HTR1E: variants seen among roughly 807,000 people sequenced by gnomAD.
The protein encoded by HTR1E is 5-HT-1E.
In HTR1E, 3 loss-of-function variants were observed where a neutral mutation model predicts 3.4. The ratio of observed to expected loss-of-function variants is 0.89; its 90% CI spans 0.41 to 2.31. The LOEUF (loss-of-function observed/expected upper bound fraction) is 2.31. Among genes scored for constraint, HTR1E ranks in the 30% most tolerant of loss-of-function variants. HTR1E has a pLI of 0.05. For missense variants in HTR1E, 392 were observed against 467.0 expected, an observed-to-expected ratio of 0.84 and a Z score of 1.48; for synonymous variants, 170 against 182.8, an observed-to-expected ratio of 0.93 and a Z score of 0.56.
At chr6:86,972,214 T>G (rs1463326675) in intron 1 of HTR1E, among the ~76,000 whole-genome samples, 1 of 152,210 alleles carries the variant, frequency 6.6e-6, no homozygotes, top group Non-Finnish European at 1.5e-5. Context: ...TGAAACATTA[T>G]TCATTCTATT....
chr6:86,968,568 C>T (rs1362899407), intron 1 of HTR1E, among the ~76,000 whole-genome samples: 2 of 152,182 alleles, frequency 1.3e-5, no homozygotes, highest in African/African-American at 4.8e-5. Flanking sequence ...TATAAGATTG[C>T]TTAAGCATTA....
Position 87,015,973 on chromosome 6 carries a change from C to T in HTR1E, c.639C>T (p.Tyr213=). Residue 213 remains tyrosine (Y), a synonymous_variant, in exon 2 of 2, where the codon TAC becomes TAT. Coordinates refer to ENST00000305344, the MANE Select transcript of HTR1E (RefSeq NM_000865.3). ...TTTACCACGCGGCCAAGAGCCTTTA[C>T]CAGAAAAGGGGATCAAGTCGGCACT... The part of the protein sequence containing the change: ...YRIYHAAKSL[Y]QKRGSSRHLS... The T allele has an allele frequency of 6.2e-7, 1 of 1,614,204 alleles. No homozygotes were observed. Among genetic ancestry groups the T allele is most frequent in the Non-Finnish European group, 8.5e-7 (1 of 1,180,046 alleles).
At chr6:87,013,351 T>C (rs1470020775) in intron 1 of HTR1E, among the ~76,000 whole-genome samples, 2 of 152,232 alleles carry the variant, frequency 1.3e-5, no homozygotes, top group African/African-American at 4.8e-5. Context: ...CTATTTGTAA[T>C]TTTTATGAAA....
chr6:86,987,141 C>G (rs1050084697), intron 1 of HTR1E, among the ~76,000 whole-genome samples: 1 of 152,078 alleles, frequency 6.6e-6, no homozygotes, highest in Non-Finnish European at 1.5e-5. Context: ...TGGCAAATAC[C>G]AATTATCAAT....
At chr6:87,001,264 A>G (rs1300896669) in intron 1 of HTR1E, among the ~76,000 whole-genome samples, 3 of 152,228 alleles carry the variant, frequency 2.0e-5, no homozygotes, top group Admixed American at 1.3e-4. Flanking sequence ...AAGACCAGAA[A>G]GCAACCCAAA....
chr6:86,964,809 A>G (rs1239061694), intron 1 of HTR1E, among the ~76,000 whole-genome samples: 1 of 152,246 alleles, frequency 6.6e-6, no homozygotes, highest in Middle Eastern at 3.2e-3. Context: ...ATGCCTTGCA[A>G]TAATGAATTA....
At chr6:86,976,043 T>A (rs1225973751) in intron 1 of HTR1E, among the ~76,000 whole-genome samples, 1 of 152,036 alleles carries the variant, frequency 6.6e-6, no homozygotes, top group South Asian at 2.1e-4. Context: ...CTAAAAGTAC[T>A]AATATTTTTC....
At chr6:87,007,898 C>T (rs1768141108) in intron 1 of HTR1E, among the ~76,000 whole-genome samples, 1 of 152,064 alleles carries the variant, frequency 6.6e-6, no homozygotes, top group South Asian at 2.1e-4. Flanking sequence ...CATGCCACTA[C>T]ACTCCAGCCT....
chr6:87,015,577 C>G lies in HTR1E; in HGVS notation c.243C>G (p.Ile81Met), dbSNP rs200144947. Reference protein sequence around the residue: ...VAVLVMPLSIIYIVMDRWKLG... With the variant: ...VAVLVMPLSIMYIVMDRWKLG... ...TGCTCGTCATGCCCCTGAGCATCAT[C>G]TACATTGTCATGGATCGCTGGAAGC... Residue 81 changes from isoleucine to methionine, a missense_variant, in exon 2 of 2, where the codon ATC becomes ATG. Around this residue, in one of 3 missense-constraint regions of HTR1E, gnomAD observed 189 missense variants for 258.0 expected, o/e 0.73. Transcript: ENST00000305344. 1.7e-5 allele frequency: 27 copies of G among 1,613,724 alleles called. No individual in the cohort carries two copies. In the Admixed American group the frequency reaches 3.0e-4, roughly 18 times the overall value.
chr6:86,974,193 G>T (rs1042850308), intron 1 of HTR1E, among the ~76,000 whole-genome samples: 5 of 152,154 alleles, frequency 3.3e-5, no homozygotes, highest in African/African-American at 1.2e-4. Flanking sequence ...CCACTTGAGA[G>T]TAAATTGCCA....
At chr6:86,947,771 C>CA (rs887269208) in intron 1 of HTR1E, among the ~76,000 whole-genome samples, 3 of 151,976 alleles carry the variant, frequency 2.0e-5, no homozygotes, top group Non-Finnish European at 2.9e-5. Flanking sequence ...TGACTATATC[C>CA]AAAGTGGAAT....
intron 1 of HTR1E, among the ~76,000 whole-genome samples, chr6:86,951,003 A>C (rs1767232052): frequency 6.6e-6 from 1 of 152,196 alleles, no homozygotes; most frequent in Admixed American, 6.6e-5. Context: ...TCCAGTGCTC[A>C]GATTTTTCAG....
At chr6:86,979,500 G>A (rs983167784) in intron 1 of HTR1E, among the ~76,000 whole-genome samples, 1 of 152,212 alleles carries the variant, frequency 6.6e-6, no homozygotes, top group African/African-American at 2.4e-5. Flanking sequence ...GCCTGGTTGA[G>A]AGGACAGATA....
chr6:86,975,508 C>T (rs1767617911), intron 1 of HTR1E, among the ~76,000 whole-genome samples: 1 of 151,962 alleles, frequency 6.6e-6, no homozygotes. Flanking sequence ...CTGTGCATTC[C>T]CTGAAAATTC....
intron 1 of HTR1E, among the ~76,000 whole-genome samples, chr6:86,938,191 T>A (rs1768497184): frequency 6.6e-6 from 1 of 151,938 alleles, no homozygotes; most frequent in Non-Finnish European, 1.5e-5. Context: ...TGAGTAGAAA[T>A]CACAGGGAGG....
rs55871033 is a variant in HTR1E at position 86,958,937 on chromosome 6, CGTGTGTGTGTGTGTGT to C, written c.-186+21145_-186+21160del. Among the ~76,000 whole-genome samples the C allele has an allele frequency of 3.5e-3, 485 of 140,078 alleles. 9 individuals carry two copies. The highest frequency in any genetic ancestry group is 0.012 in the African/African-American group (451 of 37,878). 91.9% of individuals were successfully genotyped at this position (140,078 alleles called of 152,430 possible). The stretch of plus-strand genomic sequence containing the variant: ...CTCCAGAGAAACAGAACCAATTGCA[CGTGTGTGTGTGTGTGT>C]GTGTGTGTGTGTGTGTGTGTGTGTG... On this transcript the variant is annotated intron_variant, in intron 1 of 1. Coordinates refer to ENST00000305344, the MANE Select transcript of HTR1E (RefSeq NM_000865.3).
chr6:86,956,562 A>G (rs1257126286), intron 1 of HTR1E, among the ~76,000 whole-genome samples: 1 of 152,070 alleles, frequency 6.6e-6, no homozygotes, highest in Non-Finnish European at 1.5e-5. Flanking sequence ...ACCAATGTAC[A>G]CCTTATATGT....
In HTR1E at chr6:86,985,761, AG is replaced by A. The variant is rs1767776307; in HGVS notation, c.-185-29388del. The stretch of plus-strand genomic sequence containing the variant: ...AGGGCAAGGACCATGGCCATCCTTT[AG>A]CCCCAATTACCAGTATCTACCCAGG... On this transcript the variant is annotated intron_variant, in intron 1 of 1. Transcript: ENST00000305344. Among the ~76,000 whole-genome samples the A allele has an allele frequency of 2.0e-5, 3 of 152,202 alleles. No individual in the cohort carries two copies. In the South Asian group the frequency reaches 6.2e-4, roughly 31 times the overall value.
intron 1 of HTR1E, among the ~76,000 whole-genome samples, chr6:86,945,714 G>A (rs553621979): frequency 6.6e-6 from 1 of 151,858 alleles, no homozygotes; most frequent in African/African-American, 2.4e-5. Flanking sequence ...AAGTTTGGGG[G>A]TTTTTTGTTT....
Sources: allele counts gnomAD v4.1 joint callset (sites outside exome capture counted in the v4.1 genomes callset), GRCh38; gene constraint gnomAD v4.1.1; regional missense constraint gnomAD v4.1.1; transcripts MANE v1.5; gene names NCBI Gene and HGNC (gene_info 2026-07-23, HGNC 2026-07-21).